CAMSAP1: variants seen among roughly 807,000 people sequenced by gnomAD.
CAMSAP1 encodes calmodulin regulated spectrin associated protein 1, also known as calmodulin-regulated spectrin-associated protein 1.
CAMSAP1 carries 58 observed loss-of-function variants against 143.5 expected under a neutral mutation model. The ratio of observed to expected loss-of-function variants is 0.40; its 90% CI spans 0.33 to 0.50. The LOEUF (loss-of-function observed/expected upper bound fraction) is 0.50. Among genes scored for constraint, CAMSAP1 ranks in the 20% least tolerant of loss-of-function variants. The pLI, the probability that CAMSAP1 is intolerant of heterozygous loss-of-function variation, is 0.45. For synonymous variants in CAMSAP1, 945 were observed against 859.3 expected (o/e 1.10, Z -1.74); for missense variants, 1,969 against 2,115.7 (o/e 0.93, Z 1.36).
At chr9:135,872,236 A>G (rs1360641286) in intron 3 of CAMSAP1, among the ~76,000 whole-genome samples, 2 of 152,262 alleles carry the variant, frequency 1.3e-5, no homozygotes, top group Admixed American at 6.5e-5. Context: ...TAAATACTTT[A>G]AAAGATAAAA....
At chr9:135,903,448 C>T (rs936230519) in intron 1 of CAMSAP1, among the ~76,000 whole-genome samples, 6 of 152,168 alleles carry the variant, frequency 3.9e-5, no homozygotes, top group African/African-American at 1.2e-4. Flanking sequence ...GCCCCAGGAA[C>T]GAATGAAACT....
rs773190167 is a variant in CAMSAP1 at position 135,821,622 on chromosome 9, C to A, written c.3039G>T (p.Glu1013Asp). 7 of 1,614,036 alleles carry A rather than the reference C, an allele frequency of 4.3e-6. No homozygotes were observed. Among genetic ancestry groups the A allele is most frequent in the Non-Finnish European group, 5.1e-6 (6 of 1,179,898 alleles). ...GGTCACATTCATTCACGTCGACAAC[C>A]TCCCCAACAGTGTCCTCCAGGAGGG... Reference protein sequence around the residue: ...SAALLEDTVGEVVDVNECDLS... With the variant: ...SAALLEDTVGDVVDVNECDLS... Residue 1013 changes from glutamate (E) to aspartate (D), a missense_variant, in exon 11 of 17, where the codon GAG becomes GAT. Physicochemically the swap from Glu to Asp is conservative, Grantham distance 45. Transcript: ENST00000389532. This position sits in a 1 kb window ranked among gnomAD's most constrained non-coding sequence, Gnocchi z 4.6.
intron 7 of CAMSAP1, among the ~76,000 whole-genome samples, chr9:135,832,384 TC>T (rs1835886413): frequency 6.6e-6 from 1 of 151,946 alleles, no homozygotes; most frequent in African/African-American, 2.4e-5. Context: ...AAAAAACAAC[TC>T]TACACAGAAC....
intron 1 of CAMSAP1, 109 bp from the exon 2 acceptor site, chr9:135,883,187 CACAGGG>C: frequency 8.5e-7 from 1 of 1,180,536 alleles, no homozygotes; most frequent in Non-Finnish European, 1.2e-6. Flanking sequence ...GCCTGGGCAA[CACAGGG>C]AGACCAAGTG....
At position 135,811,305 on chromosome 9, in the gene CAMSAP1, G is replaced by A. The variant is rs374443066; in HGVS notation, c.*4C>T. On this transcript the variant is annotated 3_prime_UTR_variant, in exon 17 of 17. Transcript: ENST00000389532. The surrounding 1 kb of genome is among the most constrained non-coding windows in gnomAD (Gnocchi z 4.9). ...TCACCCTTTGGACGCCAGCTGCACC[G>A]GGGTCATTTACGAGTCTGGGCCTTC... The A allele has an allele frequency of 9.4e-5, 152 of 1,610,476 alleles. No individual in the cohort carries two copies. Among genetic ancestry groups the A allele is most frequent in the South Asian group, 1.7e-4 (15 of 90,414 alleles).
Position 135,818,195 on chromosome 9 carries a change from C to A in CAMSAP1, c.4169-116G>T. The stretch of plus-strand genomic sequence containing the variant: ...CAGAGCTCGGCCACACAGGCCGCGT[C>A]CCCACCCCATCCCGGGGAGCCGGGC... On this transcript the variant is annotated intron_variant, in intron 13 of 16. Coordinates refer to ENST00000389532, the MANE Select transcript of CAMSAP1 (RefSeq NM_015447.4). This position sits in a 1 kb window ranked among gnomAD's most constrained non-coding sequence, Gnocchi z 7.7. The A allele has an allele frequency of 8.3e-7, 1 of 1,211,052 alleles. No homozygotes were observed. Among genetic ancestry groups the A allele is most frequent in the Non-Finnish European group, 1.2e-6 (1 of 861,424 alleles). The allele number at this position is 1,211,052 out of a possible 1,614,324, so 75.0% of individuals were successfully genotyped here. A position where few individuals can be genotyped will look rare whatever the true frequency, so the allele number is the denominator to read the frequency against.
chr9:135,853,421 G>C (rs12006394), intron 5 of CAMSAP1, among the ~76,000 whole-genome samples: 2,924 of 152,308 alleles, frequency 0.019, 100 homozygotes, highest in African/African-American at 0.067. Flanking sequence ...GGTTGAGAGA[G>C]ACACAGAAAT....
rs766763459 is a variant in CAMSAP1, at chr9:135,808,878, A to C, written c.*2431T>G. The C allele has an allele frequency of 2.6e-5, 4 of 152,248 alleles. No homozygotes were observed. The highest frequency in any genetic ancestry group is 5.9e-5 in the Non-Finnish European group (4 of 68,054). The allele number at this position is 152,248 out of a possible 1,614,324, so 9.4% of individuals were successfully genotyped here. ...TACACATAAACTTCATCATACATTG[A>C]ATCATTTGGTTTACACTTTCTTTAC... On this transcript the variant is annotated 3_prime_UTR_variant, in exon 17 of 17. Coordinates refer to ENST00000389532, the MANE Select transcript of CAMSAP1 (RefSeq NM_015447.4).
At chr9:135,813,307 T>C (rs1032412589) in intron 16 of CAMSAP1, among the ~76,000 whole-genome samples, 1 of 152,256 alleles carries the variant, frequency 6.6e-6, no homozygotes, top group African/African-American at 2.4e-5. Flanking sequence ...AGCCCTCTTA[T>C]GTCAATGCCA....
intron 3 of CAMSAP1, among the ~76,000 whole-genome samples, chr9:135,872,518 C>T (rs1350278650): frequency 1.3e-5 from 2 of 152,034 alleles, no homozygotes; most frequent in African/African-American, 4.8e-5. Context: ...AAAACCAAGC[C>T]TTATGGATAA....
intron 7 of CAMSAP1, among the ~76,000 whole-genome samples, chr9:135,828,906 ACGCTGAAAGGACGGG>A (rs952743381): frequency 2.8e-4 from 42 of 152,192 alleles, no homozygotes; most frequent in African/African-American, 9.2e-4. Context: ...TATATTCAAA[ACGCTGAAAGGACGGG>A]AAAAAACCCC....
intron 3 of CAMSAP1, among the ~76,000 whole-genome samples, chr9:135,879,416 C>G (rs938323384): frequency 6.6e-6 from 1 of 151,984 alleles, no homozygotes; most frequent in African/African-American, 2.4e-5. Flanking sequence ...CAAAAAAATA[C>G]GGGCAAAGAT....
intron 3 of CAMSAP1, among the ~76,000 whole-genome samples, chr9:135,881,394 C>T (rs1034168183): frequency 6.6e-6 from 1 of 151,926 alleles, no homozygotes; most frequent in Admixed American, 6.6e-5. Flanking sequence ...CTCAAAGTAC[C>T]GACATGTGCT....
intron 5 of CAMSAP1, among the ~76,000 whole-genome samples, chr9:135,856,794 CAGTT>C (rs1341035962): frequency 6.6e-6 from 1 of 152,258 alleles, no homozygotes; most frequent in Non-Finnish European, 1.5e-5. Flanking sequence ...ATACTTGGCT[CAGTT>C]ATTCACCTGT....
chr9:135,906,920 G>T lies in CAMSAP1; in HGVS notation c.160+80C>A, dbSNP rs924623864. The T allele has an allele frequency of 3.7e-6, 3 of 819,454 alleles. No individual in the cohort carries two copies. The South Asian group carries it at 1.6e-4, about 44-fold the overall frequency. The allele number at this position is 819,454 out of a possible 1,614,324, so 50.8% of individuals were successfully genotyped here. On this transcript the variant is annotated intron_variant, in intron 1 of 16. Coordinates refer to ENST00000389532, the MANE Select transcript of CAMSAP1 (RefSeq NM_015447.4). ...CACAAAGGCGCGGCGCGCGGACCCC[G>T]ACCCGGCCGGACCCCGGCCGCGTCC...
intron 7 of CAMSAP1, among the ~76,000 whole-genome samples, chr9:135,840,147 C>A (rs1185314027): frequency 6.6e-6 from 1 of 152,208 alleles, no homozygotes; most frequent in African/African-American, 2.4e-5. Flanking sequence ...GTGCATTCTG[C>A]ACCTGAGTGT....
rs1564446365 is a variant in CAMSAP1 at position 135,862,612 on chromosome 9, T to C, written c.667-4A>G. 6.4e-6 allele frequency: 10 copies of C among 1,551,456 alleles called. No individual in the cohort carries two copies. The South Asian group carries it at 8.3e-5, about 13-fold the overall frequency. ...GGTGCTCTCGTCGATAGCGGACCTG[T>C]AGTTGATAAAAGGAAAACGGTCTCT... On this transcript the variant is annotated splice_polypyrimidine_tract_variant and splice_region_variant and intron_variant, in intron 4 of 16. Transcript: ENST00000389532.
At chr9:135,816,094 A>G in intron 14 of CAMSAP1, 89 bp from the exon 15 acceptor site, 1 of 1,192,386 alleles carries the variant, frequency 8.4e-7, no homozygotes, top group Non-Finnish European at 1.2e-6. Context: ...CAACCAGGAC[A>G]GGAAGCACAT....
chr9:135,815,130 T>C lies in CAMSAP1; in HGVS notation c.4473A>G (p.Lys1491=), dbSNP rs1399509017. The C allele has an allele frequency of 1.9e-6, 3 of 1,613,732 alleles. No individual in the cohort carries two copies. The highest frequency in any genetic ancestry group is 2.7e-5 in the African/African-American group (2 of 74,942). The change falls in exon 16 of 17, where the codon AAA becomes AAG. Residue 1491 remains lysine, a synonymous_variant. Transcript: ENST00000389532. ...TGGAATTCTTGTGGGGTTCGTTCACTTTTCCAGCCAGGCAGCAATGGGATA... is the reference window on the plus strand; with the variant it reads ...TGGAATTCTTGTGGGGTTCGTTCACCTTTCCAGCCAGGCAGCAATGGGATA... ...NAISHCCLAG[K]VNEPHKNSIL... is the part of the protein sequence containing the mutation.
Sources: allele counts gnomAD v4.1 joint callset (sites outside exome capture counted in the v4.1 genomes callset), GRCh38; gene constraint gnomAD v4.1.1; non-coding constraint Gnocchi (gnomAD v3.1); transcripts MANE v1.5; gene names NCBI Gene and HGNC (gene_info 2026-07-23, HGNC 2026-07-21).